The following AKR1C8 variants were observed in gnomAD, a reference collection of about 807,000 sequenced individuals.
AKR1C8 encodes aldo-keto reductase family 1 member C8.
chr10:5,168,876 CA>C, the AKR1C8 span, among the ~76,000 whole-genome samples: 2 of 151,990 alleles, frequency 1.3e-5, no homozygotes, highest in African/African-American at 4.8e-5. Context: ...AAAAGACTGA[CA>C]AAAAATCAGA....
At chr10:5,125,491 C>G in the AKR1C8 span, among the ~76,000 whole-genome samples, 1 of 152,130 alleles carries the variant, frequency 6.6e-6, no homozygotes, top group Non-Finnish European at 1.5e-5. Context: ...AAGGCAAGCT[C>G]AAATCTCACA....
chr10:5,135,628 T>C, the AKR1C8 span, among the ~76,000 whole-genome samples: 2 of 152,190 alleles, frequency 1.3e-5, no homozygotes, highest in Admixed American at 1.3e-4. Flanking sequence ...ATTTATAGAA[T>C]GATTAATTAT....
At chr10:5,146,746 C>CA in the AKR1C8 span, among the ~76,000 whole-genome samples, 1 of 152,128 alleles carries the variant, frequency 6.6e-6, no homozygotes, top group African/African-American at 2.4e-5. Context: ...AATTAGGTCC[C>CA]AGCTACTTAT....
the AKR1C8 span, among the ~76,000 whole-genome samples, chr10:5,120,558 G>C: frequency 6.6e-6 from 1 of 151,918 alleles, no homozygotes. Context: ...CTTTTCAGTA[G>C]TTAGTGTGCC....
chr10:5,173,928 A>G, the AKR1C8 span, among the ~76,000 whole-genome samples: 1 of 152,244 alleles, frequency 6.6e-6, no homozygotes, highest in East Asian at 1.9e-4. Context: ...ATACCTGCAT[A>G]AAAGGCCCTA....
At chr10:5,119,087 A>C in the AKR1C8 span, among the ~76,000 whole-genome samples, 1 of 152,334 alleles carries the variant, frequency 6.6e-6, no homozygotes, top group Admixed American at 6.5e-5. Context: ...TGTTTCATTC[A>C]TAATCTACAT....
the AKR1C8 span, among the ~76,000 whole-genome samples, chr10:5,127,747 A>G: frequency 1.6e-4 from 21 of 134,400 alleles, no homozygotes; most frequent in Admixed American, 4.5e-4. Flanking sequence ...AAAAAAAAAA[A>G]AAGAAATGAA....
chr10:5,158,623 C>T, the AKR1C8 span: 2 of 479,984 alleles, frequency 4.2e-6, no homozygotes, highest in Non-Finnish European at 4.3e-6. Context: ...TTTGGGATCC[C>T]AGGGCACTGT....
chr10:5,154,083 CCTCT>C, the AKR1C8 span: 2 of 454,720 alleles, frequency 4.4e-6, no homozygotes, highest in South Asian at 1.6e-5. Context: ...ATACTGAAAT[CCTCT>C]CTCTGTCACC....
the AKR1C8 span, among the ~76,000 whole-genome samples, chr10:5,178,385 G>C: frequency 5.9e-5 from 9 of 152,188 alleles, no homozygotes; most frequent in Non-Finnish European, 1.2e-4. Context: ...TTGCTGAGGA[G>C]AGCTTTGCTT....
the AKR1C8 span, chr10:5,132,799 T>G: frequency 2.0e-6 from 2 of 993,172 alleles, no homozygotes; most frequent in Non-Finnish European, 1.5e-6. Context: ...TAGTATTTGG[T>G]GATCAATGTG....
chr10:5,123,216 G>A, the AKR1C8 span: 1 of 173,706 alleles, frequency 5.8e-6, no homozygotes, highest in Non-Finnish European at 1.4e-5. Context: ...TCACCTTACA[G>A]GAAGCACATG....
the AKR1C8 span, among the ~76,000 whole-genome samples, chr10:5,168,306 A>T: frequency 6.6e-6 from 1 of 151,322 alleles, no homozygotes; most frequent in Non-Finnish European, 1.5e-5. Context: ...CAGAGAAATG[A>T]CCCCCCAGAA....
the AKR1C8 span, chr10:5,132,760 T>C: frequency 1.2e-5 from 17 of 1,411,772 alleles, no homozygotes; most frequent in Non-Finnish European, 1.6e-5. Context: ...ACAACTCTAT[T>C]CCTAGGAACC....
chr10:5,172,765 T>A, the AKR1C8 span, among the ~76,000 whole-genome samples: 2 of 152,130 alleles, frequency 1.3e-5, no homozygotes, highest in East Asian at 3.9e-4. Flanking sequence ...CCACAGCCTT[T>A]TTTTCTTAAA....
the AKR1C8 span, among the ~76,000 whole-genome samples, chr10:5,120,766 TG>T: frequency 6.6e-6 from 1 of 152,128 alleles, no homozygotes; most frequent in South Asian, 2.1e-4. Context: ...CACATATTTT[TG>T]GGGGGGACTG....
the AKR1C8 span, among the ~76,000 whole-genome samples, chr10:5,172,283 T>C: frequency 5.9e-5 from 9 of 152,122 alleles, no homozygotes; most frequent in Admixed American, 5.9e-4. Flanking sequence ...TATGCCTTAA[T>C]TTTTTGACTT....
the AKR1C8 span, among the ~76,000 whole-genome samples, chr10:5,180,213 G>T: frequency 6.6e-6 from 1 of 152,160 alleles, no homozygotes; most frequent in African/African-American, 2.4e-5. Context: ...TCAGCTGCAG[G>T]TCTGTTGGAG....
the AKR1C8 span, among the ~76,000 whole-genome samples, chr10:5,166,502 A>AT: frequency 6.6e-6 from 1 of 152,188 alleles, no homozygotes; most frequent in African/African-American, 2.4e-5. Flanking sequence ...CAACCACCTG[A>AT]TCTTTGACAA....
Sources: allele counts gnomAD v4.1 joint callset (sites outside exome capture counted in the v4.1 genomes callset), GRCh38; gene constraint gnomAD v4.1.1; transcripts MANE v1.5; gene names NCBI Gene and HGNC (gene_info 2026-07-23, HGNC 2026-07-21).